Variants in SHTN1 observed in about 807,000 individuals in gnomAD.
The protein encoded by SHTN1 is shootin 1.
A neutral mutation model predicts 83.1 loss-of-function variants in SHTN1; 42 were observed. The ratio of observed to expected loss-of-function variants is 0.51; its 90% confidence interval spans 0.39 to 0.65. The LOEUF (loss-of-function observed/expected upper bound fraction) is 0.65, where lower values mean the gene tolerates loss of function less well. Among genes scored for constraint, SHTN1 ranks in the 30% least tolerant of loss-of-function variants. The pLI, the probability that SHTN1 is intolerant of heterozygous loss-of-function variation, is 0.00. For synonymous variants in SHTN1, 224 were observed against 247.7 expected (o/e 0.90, Z 0.90); for missense variants, 622 against 737.8 (o/e 0.84, Z 1.82).
rs1847096490 is a variant in SHTN1 at position 116,884,084 on chromosome 10, G to A, written c.*2260C>T. The A allele has an allele frequency of 2.4e-5, 9 of 373,258 alleles. 1 individual carries two copies. Among genetic ancestry groups the A allele is most frequent in the South Asian group, 1.8e-4 (9 of 50,916 alleles). The allele number at this position is 373,258 out of a possible 1,614,324, so 23.1% of individuals were successfully genotyped here. Reference sequence around the variant, plus strand: ...ATTTATCTTTCCCAAACAGAAGGAAGCATAAATAACCTTTTAGAGAAATCA... The same window carrying A: ...ATTTATCTTTCCCAAACAGAAGGAAACATAAATAACCTTTTAGAGAAATCA... On this transcript the variant is annotated 3_prime_UTR_variant, in exon 17 of 17. Transcript: ENST00000355371.
In SHTN1 at chr10:117,005,025, G is replaced by A. The variant is rs1026143235; in HGVS notation, c.55C>T (p.Gln19Ter). ...CTGGCGCCCGCGTGCTGCCTACCTTGCTCCTTCAGACTGGTAATGAGCTGC... is the reference window on the plus strand; with the variant it reads ...CTGGCGCCCGCGTGCTGCCTACCTTACTCCTTCAGACTGGTAATGAGCTGC... ...QLQLITSLKE[Q>*]AIGEYEDLRA... The change falls in exon 1 of 17, where the codon CAA (glutamine) becomes TAA (stop). Residue 19 changes from glutamine (Q) to a stop codon, truncating the protein, a stop_gained. Transcript: ENST00000355371. LOFTEE classifies it high-confidence loss of function. 6.3e-7 allele frequency: 1 copy of A among 1,595,984 alleles called. No homozygotes were observed. The highest frequency in any genetic ancestry group is 1.3e-5 in the African/African-American group (1 of 74,874).
intron 1 of SHTN1, among the ~76,000 whole-genome samples, chr10:117,104,790 A>C (rs757340783): frequency 3.9e-5 from 6 of 152,054 alleles, no homozygotes; most frequent in Non-Finnish European, 7.4e-5. Flanking sequence ...ACAACAACAA[A>C]AATTTTAAAA....
At chr10:117,086,020 A>C (rs1302532052) in intron 1 of SHTN1, among the ~76,000 whole-genome samples, 1 of 148,886 alleles carries the variant, frequency 6.7e-6, no homozygotes, top group Non-Finnish European at 1.5e-5. Context: ...TCCCGGGTTC[A>C]AGCGATTCTC....
chr10:116,894,729 G>A (rs1001726407), intron 16 of SHTN1, among the ~76,000 whole-genome samples: 1 of 152,118 alleles, frequency 6.6e-6, no homozygotes, highest in Admixed American at 6.5e-5. Flanking sequence ...TTGTCTAATT[G>A]CAACTGTTAG....
At position 116,886,513 on chromosome 10, in the gene SHTN1, G is replaced by T. The variant is rs1412410090; in HGVS notation, c.1727C>A (p.Ala576Asp). The T allele has an allele frequency of 1.2e-6, 2 of 1,613,978 alleles. No homozygotes were observed. The highest frequency in any genetic ancestry group is 1.7e-6 in the Non-Finnish European group (2 of 1,180,026). ...AGGATCTAAAACTACAACTGGTTCG[G>T]CTTGTTTTTCACCGTCAATGTATTT... is the stretch of plus-strand genomic sequence containing the variant. ...RKKYIDGEKQ[A>D]EPVVVLDPVS... The change falls in exon 17 of 17, where the codon GCC (alanine) becomes GAC (aspartate). Residue 576 changes from alanine (A) to aspartate (D), a missense_variant. Transcript: ENST00000355371.
In SHTN1 at chr10:116,930,016, A is replaced by T. The variant is rs147242090; in HGVS notation, c.859-14T>A. 3.7e-4 allele frequency: 455 copies of T among 1,220,878 alleles called. No individual in the cohort carries two copies. The East Asian group carries it at 4.0e-3, about 11-fold the overall frequency. 75.6% of individuals were successfully genotyped at this position (1,220,878 alleles called of 1,614,324 possible). On this transcript the variant is annotated splice_polypyrimidine_tract_variant and intron_variant, in intron 9 of 16. Transcript: ENST00000355371. ...TAATTCTTTGACCTATAAGTTATTTAAAAAAAAAAGACTTTTATGGCTGAC... is the reference window on the plus strand; with the variant it reads ...TAATTCTTTGACCTATAAGTTATTTTAAAAAAAAAGACTTTTATGGCTGAC...
intron 1 of SHTN1, among the ~76,000 whole-genome samples, chr10:117,097,394 C>T (rs769165389): frequency 7.9e-5 from 12 of 152,300 alleles, no homozygotes; most frequent in Admixed American, 1.3e-4. Flanking sequence ...GTAATTCTTA[C>T]GGCAAAATTT....
intron 2 of SHTN1, among the ~76,000 whole-genome samples, chr10:117,017,768 A>T (rs1852202281): frequency 6.6e-6 from 1 of 152,186 alleles, no homozygotes; most frequent in Non-Finnish European, 1.5e-5. Flanking sequence ...GCAACCTTAC[A>T]GTGGCGAATC....
chr10:117,003,046 A>G (rs2133543045), intron 1 of SHTN1, among the ~76,000 whole-genome samples: 1 of 152,312 alleles, frequency 6.6e-6, no homozygotes, highest in Middle Eastern at 3.4e-3. Context: ...AGCAATTTGC[A>G]GATTATCTAC....
intron 12 of SHTN1, 110 bp downstream of exon 12, chr10:116,921,324 T>C (rs899804708): frequency 1.4e-6 from 1 of 722,060 alleles, no homozygotes; most frequent in East Asian, 2.7e-5. Context: ...GTTCAGTGCT[T>C]CATACTACTC....
chr10:117,097,013 G>GCA (rs1158397927), intron 1 of SHTN1, among the ~76,000 whole-genome samples: 45 of 141,754 alleles, frequency 3.2e-4, no homozygotes, highest in East Asian at 8.2e-4. Flanking sequence ...GCACGCGCGC[G>GCA]CACACACACA....
chr10:117,089,546 T>C (rs1220585369), intron 1 of SHTN1, among the ~76,000 whole-genome samples: 1 of 152,144 alleles, frequency 6.6e-6, no homozygotes, highest in Non-Finnish European at 1.5e-5. Flanking sequence ...AATGATTTTT[T>C]TGGATAGGGC....
At chr10:117,051,898 C>A (rs1448969728) in intron 1 of SHTN1, among the ~76,000 whole-genome samples, 3 of 149,562 alleles carry the variant, frequency 2.0e-5, no homozygotes, top group Non-Finnish European at 3.0e-5. Context: ...CAACGTTGCA[C>A]TGGAAATCCT....
chr10:116,886,335 G>T lies in SHTN1; in HGVS notation c.*9C>A. On this transcript the variant is annotated 3_prime_UTR_variant, in exon 17 of 17. Transcript: ENST00000355371. Reference sequence around the variant, plus strand: ...GACTTCCAAACATGTCAGGCTTCTGGTTTATGGATCAGCAGTTGGAGCTGT... The same window carrying T: ...GACTTCCAAACATGTCAGGCTTCTGTTTTATGGATCAGCAGTTGGAGCTGT... The T allele has an allele frequency of 6.4e-7, 1 of 1,552,526 alleles. No individual in the cohort carries two copies. Among genetic ancestry groups the T allele is most frequent in the Non-Finnish European group, 8.7e-7 (1 of 1,147,226 alleles).
chr10:116,970,694 CAG>C lies in SHTN1; in HGVS notation c.112-1984_112-1983del, dbSNP rs368582593. 1.3e-3 allele frequency among the ~76,000 whole-genome samples: 189 copies of C among 143,540 alleles called. 1 individual carries two copies. The highest frequency in any genetic ancestry group is 4.7e-3 in the African/African-American group (184 of 38,746). 94.2% of individuals were successfully genotyped at this position (143,540 alleles called of 152,430 possible). On this transcript the variant is annotated intron_variant, in intron 2 of 16. Transcript: ENST00000355371. ...ATGCCACTGCACTCCAGCCTGGTGA[CAG>C]AGAGAGACTTACTCTCAAAAAAAAA...
Position 116,901,820 on chromosome 10 carries a change from G to A in SHTN1, c.1618C>T (p.Pro540Ser). The change falls in exon 16 of 17, where the codon CCA becomes TCA. Residue 540 changes from proline (P) to serine (S), a missense_variant. Physicochemically the swap from Pro to Ser is moderately conservative, Grantham distance 74 (BLOSUM62 -1). This residue lies in a region of SHTN1 where 231 missense variants were observed against 251.6 expected (regional missense o/e 0.92). Coordinates refer to ENST00000355371, the MANE Select transcript of SHTN1 (RefSeq NM_001127211.3). ...FNSPSPPTPE[P>S]GEGPRKLEGC... ...TCCAATTTACGGGGCCCTTCACCTG[G>A]CTCAGGTGTTGGGGGGGACGGGCTG... 6.2e-7 allele frequency: 1 copy of A among 1,600,790 alleles called. No homozygotes were observed. The highest frequency in any genetic ancestry group is 1.1e-5 in the South Asian group (1 of 88,550).
intron 2 of SHTN1, among the ~76,000 whole-genome samples, chr10:117,013,170 GTTTA>G (rs1259529617): frequency 6.6e-6 from 1 of 152,000 alleles, no homozygotes; most frequent in African/African-American, 2.4e-5. Flanking sequence ...ACCAAAAGAA[GTTTA>G]TTTATTTATT....
At position 117,115,080 on chromosome 10, in the gene SHTN1, G is replaced by T. The variant is rs970471438; in HGVS notation, c.-189+11227C>A. 2.6e-5 allele frequency among the ~76,000 whole-genome samples: 4 copies of T among 152,176 alleles called. No homozygotes were observed. In the South Asian group the frequency reaches 8.3e-4, roughly 32 times the overall value. ...GGAAGATGCTTTTAACTCTTTGGGG[G>T]TCATAAATCCTTTTGAGAATCTATG... On this transcript the variant is annotated intron_variant, in intron 1 of 17. Transcript: ENST00000392901.
intron 1 of SHTN1, among the ~76,000 whole-genome samples, chr10:117,093,615 G>A (rs932802826): frequency 1.3e-5 from 2 of 152,132 alleles, no homozygotes; most frequent in East Asian, 1.9e-4. Flanking sequence ...TTCAAACTCC[G>A]ATCTACCCAA....
Sources: gnomAD v4.1 joint callset for allele counts (sites outside exome capture counted in the v4.1 genomes callset) on GRCh38, gnomAD v4.1.1 for gene constraint, gnomAD v4.1.1 regional missense constraint, MANE v1.5 for transcripts, NCBI Gene and HGNC (gene_info 2026-07-23, HGNC 2026-07-21) for gene names.